IGSF5: variants seen among roughly 807,000 people sequenced by gnomAD.
IGSF5 encodes immunoglobulin superfamily 5 like.
IGSF5 carries 41 observed loss-of-function variants against 39.4 expected under a neutral mutation model. That is an observed-to-expected ratio of 1.04 (90% confidence interval 0.81 to 1.35). The LOEUF (loss-of-function observed/expected upper bound fraction) is 1.35. Ranked by LOEUF, IGSF5 falls within the 40% of genes most tolerant of loss-of-function variation. The pLI is 0.00. For synonymous variants in IGSF5, 183 were observed against 175.3 expected, an observed-to-expected ratio of 1.04 and a Z score of -0.34; for missense variants, 487 against 494.6, an observed-to-expected ratio of 0.98 and a Z score of 0.15.
intron 2 of IGSF5, among the ~76,000 whole-genome samples, chr21:39,760,328 C>G (rs140685138): frequency 0.011 from 1,607 of 152,188 alleles, 9 homozygotes; most frequent in Non-Finnish European, 0.017. Context: ...GAACTTAGAG[C>G]CCAGTAGGGA....
rs2080082698 is a variant in IGSF5, at chr21:39,765,582, G to T, written c.148G>T (p.Val50Phe). ...EVIEGPQNARVLKGSQARFNC... is the reference protein window; with the variant it reads ...EVIEGPQNARFLKGSQARFNC... ...CATAGAAGGCCCCCAAAATGCAAGA[G>T]TCCTGAAGGGCTCCCAGGCTCGCTT... Residue 50 changes from valine to phenylalanine, a missense_variant, in exon 3 of 9, where the codon GTC (valine) becomes TTC (phenylalanine). Val to Phe is a conservative substitution (Grantham distance 50). Transcript: ENST00000380588. 6.2e-7 allele frequency: 1 copy of T among 1,614,050 alleles called. No homozygotes were observed. The highest frequency in any genetic ancestry group is 8.5e-7 in the Non-Finnish European group (1 of 1,180,032).
chr21:39,731,790 G>A, the IGSF5 span, among the ~76,000 whole-genome samples: 1 of 152,160 alleles, frequency 6.6e-6, no homozygotes, highest in Non-Finnish European at 1.5e-5. Flanking sequence ...CCCTACCTAA[G>A]AAGAGAACCC....
the IGSF5 span, among the ~76,000 whole-genome samples, chr21:39,736,389 C>T: frequency 6.6e-6 from 1 of 152,198 alleles, no homozygotes; most frequent in South Asian, 2.1e-4. Flanking sequence ...TAAAGTCTCT[C>T]TTTATGCTTA....
Position 39,765,800 on chromosome 21 carries a change from A to T in IGSF5, c.366A>T (p.Arg122Ser). 1.2e-6 allele frequency: 2 copies of T among 1,614,094 alleles called. No homozygotes were observed. The highest frequency in any genetic ancestry group is 8.5e-7 in the Non-Finnish European group (1 of 1,180,000). Reference protein sequence around the residue: ...NVEPSDSGNIRCSLQNSRLHG... With the variant: ...NVEPSDSGNISCSLQNSRLHG... ...AGCCCAGTGATTCGGGGAACATCAG[A>T]TGCAGCCTCCAGAACAGTCGCCTGC... Residue 122 changes from arginine to serine, a missense_variant, in exon 3 of 9, where the codon AGA becomes AGT. Physicochemically the swap from Arg to Ser is moderately radical, Grantham distance 110. Coordinates refer to ENST00000380588, the MANE Select transcript of IGSF5 (RefSeq NM_001080444.2).
At chr21:39,729,228 A>G in the IGSF5 span, 1 of 152,256 alleles carries the variant, frequency 6.6e-6, no homozygotes, top group Non-Finnish European at 1.5e-5. Flanking sequence ...TTGGTGGCTT[A>G]ACGCCACTTC....
At chr21:39,752,649 A>AC (rs2080011336) in intron 2 of IGSF5, among the ~76,000 whole-genome samples, 1 of 152,154 alleles carries the variant, frequency 6.6e-6, no homozygotes, top group Non-Finnish European at 1.5e-5. Flanking sequence ...ATTCCCTTTC[A>AC]CCACATCCAC....
chr21:39,764,402 G>A (rs904233750), intron 2 of IGSF5, among the ~76,000 whole-genome samples: 8 of 152,222 alleles, frequency 5.3e-5, no homozygotes, highest in South Asian at 2.1e-4. Context: ...GTGCGGTGGC[G>A]TGATCTCGGC....
intron 5 of IGSF5, among the ~76,000 whole-genome samples, chr21:39,782,581 T>G (rs940324288): frequency 6.6e-6 from 1 of 152,230 alleles, no homozygotes; most frequent in Non-Finnish European, 1.5e-5. Context: ...ACTCTAAGTA[T>G]CTTATATAAG....
intron 8 of IGSF5, among the ~76,000 whole-genome samples, chr21:39,796,763 A>G (rs1331271425): frequency 6.6e-6 from 1 of 152,242 alleles, no homozygotes; most frequent in Non-Finnish European, 1.5e-5. Context: ...AAAAGCCTGT[A>G]GATTAGACTG....
chr21:39,793,676 T>A, intron 8 of IGSF5, 63 bp downstream of exon 8: 2 of 1,296,856 alleles, frequency 1.5e-6, no homozygotes, highest in South Asian at 1.2e-5. Context: ...CTTACCTTGT[T>A]GTGGGTGATT....
At position 39,798,379 on chromosome 21, in the gene IGSF5, G is replaced by T. The variant is rs552411631; in HGVS notation, c.1129-2883G>T. On this transcript the variant is annotated intron_variant, in intron 8 of 8. Coordinates refer to ENST00000380588, the MANE Select transcript of IGSF5 (RefSeq NM_001080444.2). ...TGCCCACCTGGAGTGGGTTCTACTG[G>T]GGTTGGTAGTGCCATGCTCTTTCTC... Among the ~76,000 whole-genome samples, 57 of 152,318 alleles carry T rather than the reference G, an allele frequency of 3.7e-4. 2 individuals carry two copies. In the South Asian group the frequency reaches 0.012, roughly 31 times the overall value.
chr21:39,722,940 A>G, the IGSF5 span, among the ~76,000 whole-genome samples: 1 of 152,236 alleles, frequency 6.6e-6, no homozygotes, highest in Non-Finnish European at 1.5e-5. Flanking sequence ...AGTCCTCACA[A>G]AGCTATGTGA....
chr21:39,785,087 G>A (rs991285370), intron 5 of IGSF5, among the ~76,000 whole-genome samples: 9 of 150,284 alleles, frequency 6.0e-5, no homozygotes, highest in Non-Finnish European at 1.3e-4. Flanking sequence ...TGTGCACAAT[G>A]TGCAGGTTTG....
chr21:39,753,281 C>T (rs1057030897), intron 2 of IGSF5, among the ~76,000 whole-genome samples: 4 of 151,912 alleles, frequency 2.6e-5, no homozygotes, highest in East Asian at 1.9e-4. Flanking sequence ...TTTGTATGCT[C>T]GGTTGAAGAT....
At chr21:39,760,290 A>G (rs1167848710) in intron 2 of IGSF5, among the ~76,000 whole-genome samples, 2 of 152,226 alleles carry the variant, frequency 1.3e-5, no homozygotes, top group African/African-American at 4.8e-5. Context: ...AAGATTGAGC[A>G]AAACCAGGCA....
rs758362558 is a variant in IGSF5, at chr21:39,779,315, T to A, written c.934+10T>A. ...TGTAGAAGAAAAAGAGGTAATTTTT[T>A]TGTTCATTTACATTTGTACATACTT... On this transcript the variant is annotated intron_variant, in intron 5 of 8. Transcript: ENST00000380588. The A allele has an allele frequency of 3.1e-6, 5 of 1,610,442 alleles. No individual in the cohort carries two copies. The South Asian group carries it at 5.5e-5, about 18-fold the overall frequency.
At chr21:39,764,163 G>T (rs1297659666) in intron 2 of IGSF5, among the ~76,000 whole-genome samples, 2 of 152,128 alleles carry the variant, frequency 1.3e-5, no homozygotes, top group African/African-American at 4.8e-5. Context: ...CCTGCTTATG[G>T]AGGGGACTGT....
At chr21:39,743,600 GA>G (rs1481621188), upstream of IGSF5, among the ~76,000 whole-genome samples, 2 of 128,870 alleles carry the variant, frequency 1.6e-5, no homozygotes, top group Admixed American at 8.6e-5. Context: ...TTGGGCTGAA[GA>G]GGGGGTTCTT....
At chr21:39,779,069 A>C (rs747334187) in intron 4 of IGSF5, 21 bp from the exon 5 acceptor site, 7 of 1,610,006 alleles carry the variant, frequency 4.3e-6, no homozygotes, top group Non-Finnish European at 5.9e-6. Flanking sequence ...TATCACTAAA[A>C]TATATTTTTT....
Sources: allele counts gnomAD v4.1 joint callset (sites outside exome capture counted in the v4.1 genomes callset), GRCh38; gene constraint gnomAD v4.1.1; transcripts MANE v1.5; gene names NCBI Gene and HGNC (gene_info 2026-07-23, HGNC 2026-07-21).